NUDT3: variants seen among roughly 807,000 people sequenced by gnomAD.
The protein encoded by NUDT3 is nudix hydrolase 3, also known as diphosphoinositol polyphosphate phosphohydrolase 1.
A neutral mutation model predicts 23.6 loss-of-function variants in NUDT3; 9 were observed. The ratio of observed to expected loss-of-function variants is 0.38; its 90% confidence interval spans 0.23 to 0.66. NUDT3 has a LOEUF of 0.66. Among genes scored for constraint, NUDT3 ranks in the 30% least tolerant of loss-of-function variants. NUDT3 has a pLI of 0.52. For missense variants in NUDT3, 172 were observed against 218.5 expected, an observed-to-expected ratio of 0.79 and a Z score of 1.34; for synonymous variants, 86 against 82.6, an observed-to-expected ratio of 1.04 and a Z score of -0.22.
At chr6:34,331,648 G>A (rs560978327) in intron 2 of NUDT3, among the ~76,000 whole-genome samples, 1 of 152,306 alleles carries the variant, frequency 6.6e-6, no homozygotes, top group Non-Finnish European at 1.5e-5. Context: ...AACTATCAGG[G>A]TGACTACAAA....
intron 1 of NUDT3, among the ~76,000 whole-genome samples, chr6:34,371,715 G>A (rs1764832846): frequency 6.6e-6 from 1 of 152,156 alleles, no homozygotes; most frequent in African/African-American, 2.4e-5. Flanking sequence ...AATTCTTTAA[G>A]ATGGTTGGCT....
chr6:34,323,002 GAA>G (rs1231255684), intron 2 of NUDT3, among the ~76,000 whole-genome samples: 1 of 152,274 alleles, frequency 6.6e-6, no homozygotes, highest in Non-Finnish European at 1.5e-5. Context: ...CACAGAAACA[GAA>G]AACCAAATAC....
chr6:34,287,605 T>G lies in NUDT3; in HGVS notation c.*1148A>C, dbSNP rs918091113. On this transcript the variant is annotated 3_prime_UTR_variant, in exon 5 of 5. Transcript: ENST00000607016. ...AGACAAGCAAGCAGGTGAATTTCCC[T>G]AGTGTACTTTTCAGGAACACGGTTA... The G allele has an allele frequency of 1.6e-4, 25 of 152,228 alleles. No homozygotes were observed. The highest frequency in any genetic ancestry group is 6.0e-4 in the African/African-American group (25 of 41,446). The allele number at this position is 152,228 out of a possible 1,614,324, so 9.4% of individuals were successfully genotyped here.
chr6:34,371,603 G>C (rs534280603), intron 1 of NUDT3, among the ~76,000 whole-genome samples: 1 of 152,192 alleles, frequency 6.6e-6, no homozygotes, highest in East Asian at 1.9e-4. Context: ...AACCATTAGA[G>C]GTAACAGTCA....
Position 34,287,479 on chromosome 6 carries a change from C to T in NUDT3, c.*1274G>A, listed in dbSNP as rs955207779. On this transcript the variant is annotated 3_prime_UTR_variant, in exon 5 of 5. Transcript: ENST00000607016. The stretch of plus-strand genomic sequence containing the variant: ...ACCACTGTAATAAGTGATTACGTGG[C>T]CTCCCATATGGACCTTTCATATCCT... The T allele has an allele frequency of 4.6e-5, 7 of 152,216 alleles. No homozygotes were observed. Among genetic ancestry groups the T allele is most frequent in the Admixed American group, 4.6e-4 (7 of 15,272 alleles). The allele number at this position is 152,216 out of a possible 1,614,324, so 9.4% of individuals were successfully genotyped here.
chr6:34,385,963 C>T (rs1037723645), intron 1 of NUDT3, among the ~76,000 whole-genome samples: 1 of 152,186 alleles, frequency 6.6e-6, no homozygotes, highest in Non-Finnish European at 1.5e-5. Context: ...GGATTATAGG[C>T]GTGAGCCACC....
Position 34,389,416 on chromosome 6 carries a change from CCT to C in NUDT3, c.99+2846_99+2847del, listed in dbSNP as rs374448844. ...CATGTATAACTGTGAGTCAATTAAA[CCT>C]CTTTCTTTATAAATTACTCAGTCTC... On this transcript the variant is annotated intron_variant, in intron 1 of 4. Coordinates refer to ENST00000607016, the MANE Select transcript of NUDT3 (RefSeq NM_006703.4). 1.2e-4 allele frequency among the ~76,000 whole-genome samples: 19 copies of C among 152,336 alleles called. No homozygotes were observed. The East Asian group carries it at 2.1e-3, about 17-fold the overall frequency.
chr6:34,371,040 G>A (rs962306054), intron 1 of NUDT3, among the ~76,000 whole-genome samples: 2 of 150,718 alleles, frequency 1.3e-5, no homozygotes, highest in African/African-American at 4.9e-5. Flanking sequence ...GAACCCGGGA[G>A]GCAGAGGTTG....
chr6:34,370,626 G>A (rs563542314), intron 1 of NUDT3, among the ~76,000 whole-genome samples: 20 of 152,218 alleles, frequency 1.3e-4, no homozygotes, highest in African/African-American at 3.1e-4. Flanking sequence ...TTCCTTCCTC[G>A]GACAGAACTT....
chr6:34,387,831 G>A (rs1345201199), intron 1 of NUDT3, among the ~76,000 whole-genome samples: 2 of 152,002 alleles, frequency 1.3e-5, no homozygotes, highest in African/African-American at 4.8e-5. Context: ...ATTACAGTAA[G>A]CTAAGGTTAA....
intron 1 of NUDT3, among the ~76,000 whole-genome samples, chr6:34,353,133 A>C (rs1764503131): frequency 1.3e-5 from 2 of 152,210 alleles, no homozygotes; most frequent in South Asian, 4.1e-4. Context: ...GAGTATAAAC[A>C]AATACATATT....
intron 1 of NUDT3, among the ~76,000 whole-genome samples, chr6:34,355,375 TCA>T (rs1200996296): frequency 1.3e-5 from 2 of 152,092 alleles, no homozygotes; most frequent in Admixed American, 6.5e-5. Context: ...TTGGAATAAA[TCA>T]CAGTTAGTCA....
intron 2 of NUDT3, among the ~76,000 whole-genome samples, chr6:34,329,716 T>C (rs1384720196): frequency 6.6e-6 from 1 of 152,190 alleles, no homozygotes; most frequent in East Asian, 1.9e-4. Context: ...GTTTGTTACA[T>C]ATGTATACAT....
At chr6:34,374,852 T>C (rs1294083645) in intron 1 of NUDT3, among the ~76,000 whole-genome samples, 9 of 152,210 alleles carry the variant, frequency 5.9e-5, no homozygotes, top group Non-Finnish European at 1.3e-4. Flanking sequence ...TTTATTCCCA[T>C]TTTACAAATA....
chr6:34,314,718 G>C (rs891655004), intron 2 of NUDT3, among the ~76,000 whole-genome samples: 2 of 152,100 alleles, frequency 1.3e-5, no homozygotes, highest in South Asian at 4.1e-4. Flanking sequence ...TGAAAGCCCA[G>C]GGCTTTGGGA....
chr6:34,291,222 G>A (rs1174475462), intron 4 of NUDT3, among the ~76,000 whole-genome samples: 1 of 152,032 alleles, frequency 6.6e-6, no homozygotes, highest in Non-Finnish European at 1.5e-5. Context: ...GCCTCCCAAA[G>A]TGCTGGGATT....
chr6:34,322,472 G>A (rs573864324), intron 2 of NUDT3, among the ~76,000 whole-genome samples: 68 of 152,150 alleles, frequency 4.5e-4, no homozygotes, highest in Admixed American at 1.2e-3. Context: ...CTTGTGATCC[G>A]CCCACCTTGG....
At chr6:34,346,731 T>C (rs959405479) in intron 1 of NUDT3, among the ~76,000 whole-genome samples, 9 of 151,732 alleles carry the variant, frequency 5.9e-5, no homozygotes, top group Non-Finnish European at 8.8e-5. Flanking sequence ...CTATTGAAAA[T>C]TTACTACAAA....
intron 1 of NUDT3, among the ~76,000 whole-genome samples, chr6:34,380,046 T>A (rs1764987294): frequency 6.6e-6 from 1 of 152,150 alleles, no homozygotes; most frequent in Non-Finnish European, 1.5e-5. Flanking sequence ...AAATCAGTTT[T>A]CTTTTATGCA....
Sources: allele counts gnomAD v4.1 joint callset (sites outside exome capture counted in the v4.1 genomes callset), GRCh38; gene constraint gnomAD v4.1.1; transcripts MANE v1.5; gene names NCBI Gene and HGNC (gene_info 2026-07-23, HGNC 2026-07-21).